Variants in HSP90AA1 observed in about 807,000 individuals in gnomAD.
HSP90AA1 encodes heat shock protein HSP 90-alpha.
HSP90AA1 carries 18 observed loss-of-function variants against 73.3 expected under a neutral mutation model. The observed-to-expected ratio is 0.25, with a 90% CI of 0.17 to 0.36. The LOEUF (loss-of-function observed/expected upper bound fraction) is 0.36, where lower values mean the gene tolerates loss of function less well. Among genes scored for constraint, HSP90AA1 ranks in the 10% least tolerant of loss-of-function variants. The pLI, the probability that HSP90AA1 is intolerant of heterozygous loss-of-function variation, is 1.00. For missense variants in HSP90AA1, 704 were observed against 874.2 expected (o/e 0.81, Z 2.45); for synonymous variants, 477 against 296.9 (o/e 1.61, Z -6.24).
Position 102,081,730 on chromosome 14 carries a change from G to A in HSP90AA1, c.2181C>T (p.Arg727=). 1 of 1,535,422 alleles carries A rather than the reference G, an allele frequency of 6.5e-7. No homozygotes were observed. The highest frequency in any genetic ancestry group is 9.0e-7 in the Non-Finnish European group (1 of 1,108,280). The change falls in exon 11 of 11, where the codon CGC becomes CGT. Residue 727 remains arginine (R), a synonymous_variant. Transcript: ENST00000216281. ...PPLEGDDDTS[R]MEEVD ...CCAGAGATTAGTCTACTTCTTCCAT[G>A]CGTGATGTGTCGTCATCTCCTTCAA...
exon 1 of HSP90AA1, chr14:102,139,652 C>G: frequency 1.5e-6 from 1 of 647,482 alleles, no homozygotes; most frequent in South Asian, 2.0e-5. Flanking sequence ...CCGGCATCAC[C>G]TGGGAAGCAG....
chr14:102,087,154 G>C, upstream of HSP90AA1: 1 of 983,808 alleles, frequency 1.0e-6, no homozygotes, highest in Non-Finnish European at 1.2e-6. Context: ...AGCCGCCGCC[G>C]CGGCCGCGCG....
intron 1 of HSP90AA1, 49 bp from the exon 2 acceptor site, chr14:102,086,427 G>A (rs756686123): frequency 9.4e-6 from 15 of 1,597,904 alleles, no homozygotes; most frequent in Middle Eastern, 1.7e-4. Flanking sequence ...GTCTACAGAG[G>A]CAACACGAAA....
In HSP90AA1 at chr14:102,097,643, C is replaced by CGAGGTGGGGTGGGTTA. The variant is rs1158161998; in HGVS notation, c.366+4216_366+4231dup. Among the ~76,000 whole-genome samples, 76 of 152,296 alleles carry CGAGGTGGGGTGGGTTA rather than the reference C, an allele frequency of 5.0e-4. 1 individual carries two copies. The highest frequency in any genetic ancestry group is 1.8e-3 in the African/African-American group (74 of 41,574). On this transcript the variant is annotated intron_variant, in intron 2 of 11. Coordinates refer to the HSP90AA1 transcript ENST00000334701. Reference sequence around the variant, plus strand: ...GGCTTGTTTATCCTCAGATACCCCTCGAGGTGGGGTGGGTTAAAACTGAAA... The same window carrying CGAGGTGGGGTGGGTTA: ...GGCTTGTTTATCCTCAGATACCCCTCGAGGTGGGGTGGGTTAGAGGTGGGGTGGGTTAAAACTGAAA...
chr14:102,083,469 C>T (rs916475419), intron 8 of HSP90AA1, 77 bp downstream of exon 8: 2 of 1,471,118 alleles, frequency 1.4e-6, no homozygotes, highest in Non-Finnish European at 9.5e-7. Context: ...ACAGTGCTAC[C>T]TGAGTAGAAA....
chr14:102,123,954 C>A (rs2049810300), intron 1 of HSP90AA1, among the ~76,000 whole-genome samples: 1 of 151,996 alleles, frequency 6.6e-6, no homozygotes, highest in Non-Finnish European at 1.5e-5. Flanking sequence ...GTGTGTGCCA[C>A]CACACCTGGT....
At chr14:102,123,113 G>A (rs2049799660) in intron 1 of HSP90AA1, among the ~76,000 whole-genome samples, 1 of 152,010 alleles carries the variant, frequency 6.6e-6, no homozygotes, top group African/African-American at 2.4e-5. Flanking sequence ...CTGTCATTTT[G>A]GCCAGGCACA....
At chr14:102,085,561 A>G in intron 3 of HSP90AA1, 130 bp from the exon 4 acceptor site, 1 of 1,195,512 alleles carries the variant, frequency 8.4e-7, no homozygotes, top group Non-Finnish European at 1.2e-6. Flanking sequence ...ACCACAGCAG[A>G]ACCTTTTGGG....
At chr14:102,087,544 G>A (rs1278602181), upstream of HSP90AA1, among the ~76,000 whole-genome samples, 1 of 152,072 alleles carries the variant, frequency 6.6e-6, no homozygotes, top group Admixed American at 6.5e-5. Context: ...ACGCGCCCGG[G>A]AGACTTCCGG....
chr14:102,128,497 C>T (rs1339272847), intron 1 of HSP90AA1, among the ~76,000 whole-genome samples: 1 of 151,992 alleles, frequency 6.6e-6, no homozygotes, highest in African/African-American at 2.4e-5. Flanking sequence ...GGCATGGTGG[C>T]GGGCGCCTGT....
In HSP90AA1 at chr14:102,081,484, C is replaced by A. The variant is rs1199279351; in HGVS notation, c.*228G>T. 3.4e-6 allele frequency: 2 copies of A among 587,596 alleles called. No homozygotes were observed. The highest frequency in any genetic ancestry group is 6.0e-6 in the Non-Finnish European group (2 of 330,760). 36.4% of individuals were successfully genotyped at this position (587,596 alleles called of 1,614,324 possible). ...GTCTTACAGTGCACGTTACCCCAAT[C>A]TGTGAAAATAAACCAACATGAAACT... On this transcript the variant is annotated 3_prime_UTR_variant, in exon 11 of 11. Transcript: ENST00000216281.
upstream of HSP90AA1, among the ~76,000 whole-genome samples, chr14:102,090,667 G>A (rs754893146): frequency 6.6e-6 from 1 of 152,184 alleles, no homozygotes; most frequent in Non-Finnish European, 1.5e-5. Context: ...TAGCCAGGAT[G>A]GTCTTGATCT....
Position 102,131,311 on chromosome 14 carries a change from G to A in HSP90AA1, c.155+7939C>T, listed in dbSNP as rs143758147. Among the ~76,000 whole-genome samples the A allele has an allele frequency of 2.6e-5, 4 of 152,198 alleles. No homozygotes were observed. In the East Asian group the frequency reaches 7.7e-4, roughly 29 times the overall value. ...CCCACAAGCCACATCCCATCTGCTG[G>A]GAAATCCTATCGGCTTTACCTTCAG... On this transcript the variant is annotated intron_variant, in intron 1 of 11. Transcript: ENST00000334701.
chr14:102,083,730 A>AT lies in HSP90AA1; in HGVS notation c.1339-38dup, dbSNP rs763315875. ...TATGTTCTTTACAAAGACTTTCTGA[A>AT]TTAAAAAAAAAAAAAAAAAACTAAA... On this transcript the variant is annotated intron_variant, in intron 7 of 10. Coordinates refer to ENST00000216281, the MANE Select transcript of HSP90AA1 (RefSeq NM_005348.4). 3.6e-5 allele frequency: 54 copies of AT among 1,491,560 alleles called. 1 individual carries two copies. The highest frequency in any genetic ancestry group is 5.9e-5 in the South Asian group (5 of 84,826). 92.4% of individuals were successfully genotyped at this position (1,491,560 alleles called of 1,614,324 possible).
At chr14:102,084,054 A>G in intron 6 of HSP90AA1, 71 bp from the exon 7 acceptor site, 1 of 1,143,686 alleles carries the variant, frequency 8.7e-7, no homozygotes, top group Non-Finnish European at 1.3e-6. Flanking sequence ...AACTCCCAAA[A>G]TCAAAGATAA....
chr14:102,132,645 T>C (rs1324260030), intron 1 of HSP90AA1, among the ~76,000 whole-genome samples: 8 of 152,010 alleles, frequency 5.3e-5, no homozygotes, highest in South Asian at 2.1e-4. Context: ...AAAGGTAGCA[T>C]ATATGTAAAA....
chr14:102,130,002 G>A (rs978479564), intron 1 of HSP90AA1, among the ~76,000 whole-genome samples: 10 of 151,262 alleles, frequency 6.6e-5, no homozygotes, highest in Admixed American at 3.3e-4. Context: ...ATGGAGTCTC[G>A]CTCTGTCGCC....
At chr14:102,124,740 T>TA (rs1263832827) in intron 1 of HSP90AA1, among the ~76,000 whole-genome samples, 1 of 152,184 alleles carries the variant, frequency 6.6e-6, no homozygotes, top group Non-Finnish European at 1.5e-5. Flanking sequence ...TTGATCCTCT[T>TA]AGATTTCCAA....
At position 102,084,898 on chromosome 14, in the gene HSP90AA1, T is replaced by G; in HGVS notation, c.764A>C (p.Lys255Thr). 1 of 1,568,506 alleles carries G rather than the reference T, an allele frequency of 6.4e-7. No homozygotes were observed. Among genetic ancestry groups the G allele is most frequent in the Non-Finnish European group, 8.8e-7 (1 of 1,139,008 alleles). Residue 255 changes from lysine (K) to threonine (T), a missense_variant, in exon 5 of 11, where the codon AAA (lysine) becomes ACA (threonine). Coordinates refer to ENST00000216281, the MANE Select transcript of HSP90AA1 (RefSeq NM_005348.4). ...KEKEEKESEDKPEIEDVGSDE... is the reference protein window; with the variant it reads ...KEKEEKESEDTPEIEDVGSDE... The stretch of plus-strand genomic sequence containing the variant: ...AGAACCAACATCTTCAATTTCAGGT[T>G]TGTCTTCCGACTCTTTCTCTTCTTT...
Sources: gnomAD v4.1 joint callset for allele counts (sites outside exome capture counted in the v4.1 genomes callset) on GRCh38, gnomAD v4.1.1 for gene constraint, MANE v1.5 for transcripts, NCBI Gene and HGNC (gene_info 2026-07-23, HGNC 2026-07-21) for gene names.